Variants in SLC43A1 observed in about 807,000 individuals in gnomAD.
The protein encoded by SLC43A1 is large neutral amino acids transporter small subunit 3.
A neutral mutation model predicts 59.5 loss-of-function variants in SLC43A1; 31 were observed. The ratio of observed to expected loss-of-function variants is 0.52; its 90% confidence interval spans 0.39 to 0.70. The LOEUF is 0.70. Ranked by LOEUF, SLC43A1 falls within the 30% of genes least tolerant of loss-of-function variation. The pLI is 0.00. For synonymous variants in SLC43A1, 259 were observed against 290.9 expected, an observed-to-expected ratio of 0.89 and a Z score of 1.12; for missense variants, 598 against 717.8, an observed-to-expected ratio of 0.83 and a Z score of 1.91.
At chr11:57,509,039 C>T (rs961407630) in intron 2 of SLC43A1, among the ~76,000 whole-genome samples, 1 of 151,848 alleles carries the variant, frequency 6.6e-6, no homozygotes. Flanking sequence ...CTGCTTGAAA[C>T]CAGAAGGCAG....
intron 11 of SLC43A1, among the ~76,000 whole-genome samples, chr11:57,490,582 T>C (rs904560760): frequency 1.3e-5 from 2 of 152,220 alleles, no homozygotes; most frequent in African/African-American, 2.4e-5. Flanking sequence ...ATGGGGGTAA[T>C]TGAACTGACA....
Position 57,515,527 on chromosome 11 carries a change from G to C in SLC43A1, c.-97C>G, listed in dbSNP as rs1459185254. On this transcript the variant is annotated 5_prime_UTR_variant, in exon 1 of 15. Transcript: ENST00000278426. The surrounding 1 kb of genome is among the most constrained non-coding windows in gnomAD (Gnocchi z 5.3). ...TTTCGCGGCGCGTCCGGAGTCCCGT[G>C]GGCCCAGCCCTGAGCCGCGCCGGCG... The C allele has an allele frequency of 6.6e-6, 1 of 152,246 alleles. No individual in the cohort carries two copies. Among genetic ancestry groups the C allele is most frequent in the Non-Finnish European group, 1.5e-5 (1 of 68,056 alleles). The allele number at this position is 152,246 out of a possible 1,614,324, so 9.4% of individuals were successfully genotyped here. A position where few individuals can be genotyped will look rare whatever the true frequency, so the allele number is the denominator to read the frequency against.
At chr11:57,492,086 CAGTT>C (rs1441583720) in intron 8 of SLC43A1, among the ~76,000 whole-genome samples, 3 of 151,944 alleles carry the variant, frequency 2.0e-5, no homozygotes, top group Admixed American at 6.6e-5. Context: ...AAAAATAACT[CAGTT>C]AGGTGCCATG....
chr11:57,501,512 G>A, intron 2 of SLC43A1, 183 bp from the exon 3 acceptor site: 1 of 614,492 alleles, frequency 1.6e-6, no homozygotes, highest in South Asian at 1.9e-5. Context: ...ACCTGACCCT[G>A]GGAGAGTCTT....
chr11:57,514,686 A>T lies in SLC43A1; in HGVS notation c.-13-562T>A. The T allele has an allele frequency of 3.1e-6, 1 of 326,876 alleles. No individual in the cohort carries two copies. The highest frequency in any genetic ancestry group is 4.4e-6 in the Non-Finnish European group (1 of 227,550). 20.2% of individuals were successfully genotyped at this position (326,876 alleles called of 1,614,324 possible). On this transcript the variant is annotated intron_variant, in intron 1 of 14. Transcript: ENST00000278426. This position sits in a 1 kb window ranked among gnomAD's most constrained non-coding sequence, Gnocchi z 5.5. ...TCCGTATCAGGTGACCCACGACCCT[A>T]CAGTCTCTCGGGCCAAGCCAACAGC... is the stretch of plus-strand genomic sequence containing the variant.
At chr11:57,490,323 A>G (rs1029594247) in intron 11 of SLC43A1, among the ~76,000 whole-genome samples, 6 of 151,910 alleles carry the variant, frequency 3.9e-5, no homozygotes, top group Admixed American at 2.6e-4. Flanking sequence ...AAAAAAAAAA[A>G]AAACCCTCAA....
Position 57,491,319 on chromosome 11 carries a change from G to A in SLC43A1, c.1098C>T (p.Cys366=), listed in dbSNP as rs538861289. 7 of 1,610,500 alleles carry A rather than the reference G, an allele frequency of 4.3e-6. No individual in the cohort carries two copies. The African/African-American group carries it at 8.0e-5, about 18-fold the overall frequency. Residue 366 remains cysteine (C), a synonymous_variant, in exon 11 of 15, where the codon TGC becomes TGT. Coordinates refer to ENST00000278426, the MANE Select transcript of SLC43A1 (RefSeq NM_003627.6). ...SSVFGAMQLL[C]LLTCPLIGYI... ...AGCCAATGAGGGGGCAGGTGAGAAGGCACAACAGCTGCATGGCCCCGAAGA... is the reference window on the plus strand; with the variant it reads ...AGCCAATGAGGGGGCAGGTGAGAAGACACAACAGCTGCATGGCCCCGAAGA...
chr11:57,509,160 A>C (rs958270243), intron 2 of SLC43A1, among the ~76,000 whole-genome samples: 4 of 152,042 alleles, frequency 2.6e-5, no homozygotes, highest in Non-Finnish European at 5.9e-5. Context: ...CACCTCTAGT[A>C]ATCCCTAACA....
At chr11:57,508,341 G>A (rs537969707) in intron 2 of SLC43A1, among the ~76,000 whole-genome samples, 10 of 152,228 alleles carry the variant, frequency 6.6e-5, no homozygotes, top group South Asian at 4.1e-4. Flanking sequence ...AGCACATAGC[G>A]GAGTTGGAAG....
At chr11:57,501,092 C>G (rs1291180758) in intron 3 of SLC43A1, 49 bp from the exon 4 acceptor site, 18 of 1,608,224 alleles carry the variant, frequency 1.1e-5, no homozygotes, top group Non-Finnish European at 1.4e-5. Flanking sequence ...AGCACCCCCC[C>G]TCCCCTCCCC....
chr11:57,496,104 A>G lies in SLC43A1; in HGVS notation c.619T>C (p.Cys207Arg). The G allele has an allele frequency of 6.2e-7, 1 of 1,614,166 alleles. No individual in the cohort carries two copies. The highest frequency in any genetic ancestry group is 8.5e-7 in the Non-Finnish European group (1 of 1,180,030). ...VIMFTWSGLACLIFLNCTLNW... is the reference protein window; with the variant it reads ...VIMFTWSGLARLIFLNCTLNW... ...AGGGTGCAGTTCAGAAAGATAAGGC[A>G]GGCCAGGCCAGACCAGGTGAACATG... The change falls in exon 7 of 15, where the codon TGC (cysteine) becomes CGC (arginine). Residue 207 changes from cysteine (C) to arginine (R), a missense_variant. Transcript: ENST00000278426.
At chr11:57,506,413 G>A (rs1403352765) in intron 2 of SLC43A1, among the ~76,000 whole-genome samples, 1 of 152,228 alleles carries the variant, frequency 6.6e-6, no homozygotes, top group Non-Finnish European at 1.5e-5. Flanking sequence ...GTGTGCACCT[G>A]TAGTCCAAGC....
chr11:57,492,847 C>T (rs1943975874), intron 8 of SLC43A1, among the ~76,000 whole-genome samples: 1 of 151,474 alleles, frequency 6.6e-6, no homozygotes, highest in Non-Finnish European at 1.5e-5. Context: ...CGAGACCAGC[C>T]TGGCCAACAT....
intron 2 of SLC43A1, among the ~76,000 whole-genome samples, chr11:57,505,167 A>G (rs557414085): frequency 3.5e-4 from 53 of 152,348 alleles, no homozygotes; most frequent in African/African-American, 1.2e-3. Flanking sequence ...AGGAAGTAAC[A>G]TGGAGCAGTT....
chr11:57,511,997 T>C (rs1350342274), intron 2 of SLC43A1, among the ~76,000 whole-genome samples: 1 of 152,198 alleles, frequency 6.6e-6, no homozygotes, highest in African/African-American at 2.4e-5. Flanking sequence ...ACTCTGGTGA[T>C]GGTTGCACTA....
Position 57,491,637 on chromosome 11 carries a change from G to C in SLC43A1, c.1019-11C>G. The C allele has an allele frequency of 6.2e-7, 1 of 1,614,214 alleles. No homozygotes were observed. The highest frequency in any genetic ancestry group is 8.5e-7 in the Non-Finnish European group (1 of 1,180,042). ...GCTGTTCATTTGTCTCTGTGGGTAG[G>C]GAAACGTATGGTGAGGGGAGCTCAG... is the stretch of plus-strand genomic sequence containing the variant. On this transcript the variant is annotated splice_polypyrimidine_tract_variant and intron_variant, in intron 9 of 14. Coordinates refer to ENST00000278426, the MANE Select transcript of SLC43A1 (RefSeq NM_003627.6).
chr11:57,498,809 AT>A (rs1316649601), intron 5 of SLC43A1, among the ~76,000 whole-genome samples: 1 of 152,160 alleles, frequency 6.6e-6, no homozygotes, highest in African/African-American at 2.4e-5. Context: ...AGAGAATTTA[AT>A]TGATCATGTG....
Position 57,484,951 on chromosome 11 carries a change from T to A in SLC43A1, c.*145A>T. 1 of 1,052,994 alleles carries A rather than the reference T, an allele frequency of 9.5e-7. No homozygotes were observed. The highest frequency in any genetic ancestry group is 1.3e-6 in the Non-Finnish European group (1 of 766,842). 65.2% of individuals were successfully genotyped at this position (1,052,994 alleles called of 1,614,324 possible). ...TTTTTTTCCTCCTTTTTGCAGTCTT[T>A]ACAAAAATAGAACTTCTCTTGGTAT... On this transcript the variant is annotated 3_prime_UTR_variant, in exon 15 of 15. Coordinates refer to ENST00000278426, the MANE Select transcript of SLC43A1 (RefSeq NM_003627.6).
At chr11:57,487,623 G>A (rs1284527488) in intron 13 of SLC43A1, among the ~76,000 whole-genome samples, 1 of 152,058 alleles carries the variant, frequency 6.6e-6, no homozygotes, top group Non-Finnish European at 1.5e-5. Context: ...CTGCCATCGA[G>A]GAGGTGGCAT....
Sources: allele counts gnomAD v4.1 joint callset (sites outside exome capture counted in the v4.1 genomes callset), GRCh38; gene constraint gnomAD v4.1.1; non-coding constraint Gnocchi (gnomAD v3.1); transcripts MANE v1.5; gene names NCBI Gene and HGNC (gene_info 2026-07-23, HGNC 2026-07-21).